The following PCDHGA3 variants were observed in gnomAD, a reference collection of about 807,000 sequenced individuals.
PCDHGA3 encodes the protein protocadherin gamma-A3.
In PCDHGA3, 40 loss-of-function variants were observed where a neutral mutation model predicts 58.5. That is an observed-to-expected ratio of 0.68 (90% CI 0.53 to 0.89). PCDHGA3 has a LOEUF of 0.89. Among genes scored for constraint, PCDHGA3 ranks in the 40% least tolerant of loss-of-function variants. The pLI, the probability that PCDHGA3 is intolerant of heterozygous loss-of-function variation, is 0.00. For synonymous variants in PCDHGA3, 530 were observed against 525.7 expected (o/e 1.01, Z -0.11); for missense variants, 1,223 against 1,195.9 (o/e 1.02, Z -0.33).
In PCDHGA3 at chr5:141,344,277, G is replaced by C; in HGVS notation, c.244G>C (p.Gly82Arg). 6.2e-7 allele frequency: 1 copy of C among 1,614,092 alleles called. No individual in the cohort carries two copies. The highest frequency in any genetic ancestry group is 1.1e-5 in the South Asian group (1 of 91,086). ...TQLFSLNPQSGSLVTAERIDR... is the reference protein window; with the variant it reads ...TQLFSLNPQSRSLVTAERIDR... ...GCTTTTCTCTCTGAATCCGCAAAGCGGCAGCTTGGTCACCGCGGAGAGGAT... is the reference window on the plus strand; with the variant it reads ...GCTTTTCTCTCTGAATCCGCAAAGCCGCAGCTTGGTCACCGCGGAGAGGAT... Residue 82 changes from glycine to arginine, a missense_variant, in exon 1 of 4, where the codon GGC (glycine) becomes CGC (arginine). Physicochemically the swap from Gly to Arg is moderately radical, Grantham distance 125. Transcript: ENST00000253812.
At position 141,346,221 on chromosome 5, in the gene PCDHGA3, G is replaced by A; in HGVS notation, c.2188G>A (p.Gly730Ser). 6.2e-7 allele frequency: 1 copy of A among 1,614,218 alleles called. No individual in the cohort carries two copies. The highest frequency in any genetic ancestry group is 8.5e-7 in the Non-Finnish European group (1 of 1,180,048). Residue 730 changes from glycine to serine, a missense_variant, in exon 1 of 4, where the codon GGC becomes AGC. Physicochemically the swap from Gly to Ser is moderately conservative, Grantham distance 56 (BLOSUM62 0). Around this residue, in one of 3 missense-constraint regions of PCDHGA3, gnomAD observed 325 missense variants for 327.5 expected, o/e 0.99. Coordinates refer to ENST00000253812, the MANE Select transcript of PCDHGA3 (RefSeq NM_018916.4). ...HKSRLLQASG[G>S]GLASTPGSHF... is the part of the protein sequence containing the mutation. ...GTCACGCCTGCTGCAGGCTTCGGGA[G>A]GCGGCTTGGCGAGTACGCCCGGCTC...
intron 1 of PCDHGA3, chr5:141,384,186 T>A: frequency 6.2e-7 from 1 of 1,613,730 alleles, no homozygotes; most frequent in Non-Finnish European, 8.5e-7. Flanking sequence ...ATGGTGGAAC[T>A]CCTCCCTTGT....
intron 1 of PCDHGA3, among the ~76,000 whole-genome samples, chr5:141,464,886 A>T (rs541933775): frequency 5.2e-4 from 79 of 152,156 alleles, no homozygotes; most frequent in African/African-American, 1.9e-3. Flanking sequence ...CTACAGATGG[A>T]TGCCACCATG....
chr5:141,390,518 T>C (rs1045172175), intron 1 of PCDHGA3: 28 of 570,804 alleles, frequency 4.9e-5, no homozygotes, highest in Middle Eastern at 4.8e-4. Context: ...TATAAAGCAA[T>C]GAGGGTGTGG....
intron 1 of PCDHGA3, chr5:141,478,068 A>G (rs560968418): frequency 3.7e-6 from 6 of 1,614,134 alleles, no homozygotes; most frequent in East Asian, 4.5e-5. Flanking sequence ...ATCAAAGACA[A>G]TGGGGAGCCT....
chr5:141,370,542 C>T (rs1009513071), intron 1 of PCDHGA3: 17 of 1,613,784 alleles, frequency 1.1e-5, no homozygotes, highest in Non-Finnish European at 1.4e-5. Context: ...GGTAGGGAAC[C>T]TCGCCAAGGA....
At chr5:141,399,375 C>A (rs548275013) in intron 1 of PCDHGA3, 2 of 1,614,016 alleles carry the variant, frequency 1.2e-6, no homozygotes, top group Non-Finnish European at 1.7e-6. Context: ...AGTACAATGT[C>A]ACCATCACAG....
chr5:141,389,818 G>T, intron 1 of PCDHGA3: 2 of 1,613,888 alleles, frequency 1.2e-6, no homozygotes, highest in Non-Finnish European at 1.7e-6. Flanking sequence ...GTCGCCGTGC[G>T]TGACGGTGGA....
rs1312182657 is a variant in PCDHGA3 at position 141,406,777 on chromosome 5, CTT to C, written c.2424+60321_2424+60322del. Among the ~76,000 whole-genome samples the C allele has an allele frequency of 2.0e-5, 3 of 152,268 alleles. No individual in the cohort carries two copies. The East Asian group carries it at 5.8e-4, about 29-fold the overall frequency. On this transcript the variant is annotated intron_variant, in intron 1 of 3. Coordinates refer to ENST00000253812, the MANE Select transcript of PCDHGA3 (RefSeq NM_018916.4). ...CAAGGAATTAAAAATATTTCTCTCA[CTT>C]ATATATTATTTCTGGCTCAATTCTC...
chr5:141,384,503 A>G lies in PCDHGA3; in HGVS notation c.2424+38046A>G, dbSNP rs761415530. 6 of 1,614,192 alleles carry G rather than the reference A, an allele frequency of 3.7e-6. No homozygotes were observed. The highest frequency in any genetic ancestry group is 5.1e-6 in the Non-Finnish European group (6 of 1,180,018). ...GAACTACAACTAAGAGTGACTGCAC[A>G]TGACAGCGGGGACCCGCCTCTCAGC... On this transcript the variant is annotated intron_variant, in intron 1 of 3. Transcript: ENST00000253812.
chr5:141,489,793 C>G lies in PCDHGA3; in HGVS notation c.2425-5014C>G. On this transcript the variant is annotated intron_variant, in intron 1 of 3. Transcript: ENST00000253812. This position sits in a 1 kb window ranked among gnomAD's most constrained non-coding sequence, Gnocchi z 4.5. ...CCACTTCTCTCTGAATGTGAAGACC[C>G]TAAAAGATGGGAAGCCATTCCCAGA... 1 of 1,614,160 alleles carries G rather than the reference C, an allele frequency of 6.2e-7. No individual in the cohort carries two copies. The highest frequency in any genetic ancestry group is 1.1e-5 in the South Asian group (1 of 91,078).
intron 1 of PCDHGA3, among the ~76,000 whole-genome samples, chr5:141,488,782 C>T (rs990081222): frequency 2.0e-5 from 3 of 152,178 alleles, no homozygotes; most frequent in Non-Finnish European, 1.5e-5. Flanking sequence ...TTTTGTATCA[C>T]TTTGTCTTCC....
intron 1 of PCDHGA3, chr5:141,420,214 C>T: frequency 6.2e-7 from 1 of 1,611,064 alleles, no homozygotes; most frequent in Non-Finnish European, 8.5e-7. Context: ...ACAAAGATAG[C>T]ATGCTACTGG....
chr5:141,372,523 C>G, intron 1 of PCDHGA3: 1 of 1,614,018 alleles, frequency 6.2e-7, no homozygotes, highest in Non-Finnish European at 8.5e-7. Flanking sequence ...GTGATTCTGG[C>G]AATCTCCCTG....
chr5:141,386,090 T>C (rs184634259), intron 1 of PCDHGA3: 1 of 152,362 alleles, frequency 6.6e-6, no homozygotes, highest in Non-Finnish European at 1.5e-5. Context: ...TACAGCCAGA[T>C]GAAGTGTGTC....
At chr5:141,404,058 T>C (rs1411363585) in intron 1 of PCDHGA3, 1 of 1,613,778 alleles carries the variant, frequency 6.2e-7, no homozygotes, top group Non-Finnish European at 8.5e-7. Flanking sequence ...ATTCTTCTTT[T>C]CAATGCTCAT....
At chr5:141,360,429 G>A (rs1283628345) in intron 1 of PCDHGA3, 2 of 1,614,004 alleles carry the variant, frequency 1.2e-6, no homozygotes, top group Non-Finnish European at 8.5e-7. Flanking sequence ...TATGCGGGAA[G>A]CAGCCTCTGT....
intron 1 of PCDHGA3, among the ~76,000 whole-genome samples, chr5:141,466,008 G>C (rs1298363274): frequency 6.6e-6 from 1 of 151,970 alleles, no homozygotes; most frequent in Non-Finnish European, 1.5e-5. Flanking sequence ...TGTAGTCCCA[G>C]CTACTCGGGA....
chr5:141,450,207 A>AAGG (rs1164364390), intron 1 of PCDHGA3, among the ~76,000 whole-genome samples: 13 of 151,832 alleles, frequency 8.6e-5, no homozygotes, highest in Non-Finnish European at 1.8e-4. Flanking sequence ...TAGTAGAGAC[A>AAGG]AGGTTTCACT....
Sources: gnomAD v4.1 joint callset for allele counts (sites outside exome capture counted in the v4.1 genomes callset) on GRCh38, gnomAD v4.1.1 for gene constraint, gnomAD v4.1.1 regional missense constraint, Gnocchi (gnomAD v3.1) non-coding constraint, MANE v1.5 for transcripts, NCBI Gene and HGNC (gene_info 2026-07-23, HGNC 2026-07-21) for gene names.